PGRMC2: variants seen among roughly 807,000 people sequenced by gnomAD.
PGRMC2 encodes membrane-associated progesterone receptor component 2.
In PGRMC2, 9 loss-of-function variants were observed where a neutral mutation model predicts 19.3. That is an observed-to-expected ratio of 0.47 (90% CI 0.28 to 0.81). The LOEUF is 0.81. Among genes scored for constraint, PGRMC2 ranks in the 40% least tolerant of loss-of-function variants. The pLI, the probability that PGRMC2 is intolerant of heterozygous loss-of-function variation, is 0.11. For synonymous variants in PGRMC2, 157 were observed against 124.6 expected, an observed-to-expected ratio of 1.26 and a Z score of -1.73; for missense variants, 289 against 297.3, an observed-to-expected ratio of 0.97 and a Z score of 0.21.
At chr4:128,284,881 T>C (rs1224078048) in intron 1 of PGRMC2, among the ~76,000 whole-genome samples, 2 of 152,226 alleles carry the variant, frequency 1.3e-5, no homozygotes, top group Non-Finnish European at 2.9e-5. Flanking sequence ...TAATATGCAA[T>C]ATCAACATAT....
At chr4:128,285,407 G>C (rs1437703532) in intron 1 of PGRMC2, among the ~76,000 whole-genome samples, 1 of 152,194 alleles carries the variant, frequency 6.6e-6, no homozygotes, top group Non-Finnish European at 1.5e-5. Flanking sequence ...GGGATTACAG[G>C]CATGAACCAC....
chr4:128,269,664 C>T lies in PGRMC2; in HGVS notation c.*1652G>A, dbSNP rs1316129454. 6.6e-6 allele frequency: 1 copy of T among 152,144 alleles called. No individual in the cohort carries two copies. Among genetic ancestry groups the T allele is most frequent in the Non-Finnish European group, 1.5e-5 (1 of 68,034 alleles). 9.4% of individuals were successfully genotyped at this position (152,144 alleles called of 1,614,324 possible). ...ACAAAGCAGAAGTCTTAACTGGTGA[C>T]CTGTTAAATAACATTGCCTTTTTAA... On this transcript the variant is annotated 3_prime_UTR_variant, in exon 3 of 3. Transcript: ENST00000296425.
chr4:128,285,848 A>G (rs1010680432), intron 1 of PGRMC2, among the ~76,000 whole-genome samples: 3 of 152,226 alleles, frequency 2.0e-5, no homozygotes, highest in Admixed American at 1.3e-4. Context: ...TTCAGTTGAT[A>G]TAAGTAGGCA....
chr4:128,280,352 GGAAAAAAAAAA>G (rs1384165300), intron 1 of PGRMC2, among the ~76,000 whole-genome samples: 1 of 60,540 alleles, frequency 1.7e-5, no homozygotes, highest in Non-Finnish European at 3.0e-5. Flanking sequence ...AAATTTTCTG[GGAAAAAAAAAA>G]AAAAAAAAAA....
chr4:128,287,200 G>A (rs546279643), intron 1 of PGRMC2, 173 bp downstream of exon 1: 11 of 606,140 alleles, frequency 1.8e-5, no homozygotes, highest in East Asian at 3.3e-5. Context: ...GCTGCGGGGG[G>A]ACGGTGTGTG....
rs1202925587 is a variant in PGRMC2 at position 128,269,644 on chromosome 4, G to A, written c.*1672C>T. 6.6e-6 allele frequency: 1 copy of A among 152,120 alleles called. No individual in the cohort carries two copies. Among genetic ancestry groups the A allele is most frequent in the Non-Finnish European group, 1.5e-5 (1 of 68,022 alleles). 9.4% of individuals were successfully genotyped at this position (152,120 alleles called of 1,614,324 possible). ...GATGGCTTCTGCATGTATCTACAAA[G>A]CAGAAGTCTTAACTGGTGACCTGTT... On this transcript the variant is annotated 3_prime_UTR_variant, in exon 3 of 3. Transcript: ENST00000296425.
chr4:128,286,181 A>T (rs1251490641), intron 1 of PGRMC2, among the ~76,000 whole-genome samples: 1 of 151,930 alleles, frequency 6.6e-6, no homozygotes, highest in African/African-American at 2.4e-5. Context: ...TATGACTTTA[A>T]GGCTTGGAGG....
intron 1 of PGRMC2, among the ~76,000 whole-genome samples, chr4:128,276,382 C>T (rs1378430782): frequency 1.3e-5 from 2 of 152,110 alleles, no homozygotes; most frequent in African/African-American, 2.4e-5. Context: ...GTGGTGTGAT[C>T]TCAACTCACT....
At chr4:128,285,857 C>T (rs1408605216) in intron 1 of PGRMC2, among the ~76,000 whole-genome samples, 1 of 152,292 alleles carries the variant, frequency 6.6e-6, no homozygotes, top group East Asian at 1.9e-4. Context: ...TATAAGTAGG[C>T]AGACACCTTG....
intron 1 of PGRMC2, chr4:128,273,038 T>C (rs1457636947): frequency 6.6e-6 from 1 of 152,224 alleles, no homozygotes; most frequent in Non-Finnish European, 1.5e-5. Context: ...TGTATCATCT[T>C]TGTGGTCCCA....
Position 128,270,431 on chromosome 4 carries a change from A to G in PGRMC2, c.*885T>C, listed in dbSNP as rs1008673796. The G allele has an allele frequency of 6.6e-6, 1 of 152,638 alleles. No individual in the cohort carries two copies. 9.5% of individuals were successfully genotyped at this position (152,638 alleles called of 1,614,324 possible). A position where few individuals can be genotyped will look rare whatever the true frequency, so the allele number is the denominator to read the frequency against. On this transcript the variant is annotated 3_prime_UTR_variant, in exon 3 of 3. Coordinates refer to ENST00000296425, the MANE Select transcript of PGRMC2 (RefSeq NM_006320.6). ...TGTGTATATTACATATATGGCAGTT[A>G]ACACTGTAATATTCCTTTTACATTC...
rs1183297549 is a variant in PGRMC2, at chr4:128,270,476, C to T, written c.*840G>A. ...ACATTCTATATACACAGAATGATATCAAGGTTTTATGGTCAACAGAATATT... is the reference window on the plus strand; with the variant it reads ...ACATTCTATATACACAGAATGATATTAAGGTTTTATGGTCAACAGAATATT... On this transcript the variant is annotated 3_prime_UTR_variant, in exon 3 of 3. Coordinates refer to ENST00000296425, the MANE Select transcript of PGRMC2 (RefSeq NM_006320.6). 1.3e-5 allele frequency: 2 copies of T among 152,562 alleles called. No homozygotes were observed. The highest frequency in any genetic ancestry group is 4.8e-5 in the African/African-American group (2 of 41,432). The allele number at this position is 152,562 out of a possible 1,614,324, so 9.5% of individuals were successfully genotyped here. A position where few individuals can be genotyped will look rare whatever the true frequency, so the allele number is the denominator to read the frequency against.
At chr4:128,272,230 T>C in intron 2 of PGRMC2, 132 bp downstream of exon 2, 1 of 553,528 alleles carries the variant, frequency 1.8e-6, no homozygotes, top group Non-Finnish European at 2.8e-6. Flanking sequence ...TTAGCTATCT[T>C]TAAAAATATT....
intron 1 of PGRMC2, among the ~76,000 whole-genome samples, chr4:128,277,320 C>T (rs1760828782): frequency 1.3e-5 from 2 of 152,162 alleles, no homozygotes; most frequent in Non-Finnish European, 2.9e-5. Flanking sequence ...CCTAAAACTG[C>T]TTACTTTAAT....
Position 128,270,949 on chromosome 4 carries a change from C to G in PGRMC2, c.*367G>C, listed in dbSNP as rs1760718946. 2 of 164,630 alleles carry G rather than the reference C, an allele frequency of 1.2e-5. No homozygotes were observed. The highest frequency in any genetic ancestry group is 6.3e-5 in the Admixed American group (1 of 15,906). 10.2% of individuals were successfully genotyped at this position (164,630 alleles called of 1,614,324 possible). ...TGAGGAGATCTGTACACTTGAGTAG[C>G]AAATACATATCTGGTTGTCTTCAAT... On this transcript the variant is annotated 3_prime_UTR_variant, in exon 3 of 3. Transcript: ENST00000296425.
At chr4:128,280,259 G>A (rs1272989965) in intron 1 of PGRMC2, among the ~76,000 whole-genome samples, 1 of 134,374 alleles carries the variant, frequency 7.4e-6, no homozygotes. Context: ...GAGACATTAA[G>A]AATAGAATGA....
At chr4:128,283,350 A>C (rs1302503912) in intron 1 of PGRMC2, among the ~76,000 whole-genome samples, 3 of 152,200 alleles carry the variant, frequency 2.0e-5, no homozygotes, top group Non-Finnish European at 4.4e-5. Flanking sequence ...TACTAAGCTC[A>C]ATAAATGGAG....
chr4:128,269,537 T>C lies in PGRMC2; in HGVS notation c.*1779A>G, dbSNP rs866868907. 2 of 151,442 alleles carry C rather than the reference T, an allele frequency of 1.3e-5. No individual in the cohort carries two copies. The highest frequency in any genetic ancestry group is 4.9e-5 in the African/African-American group (2 of 40,702). The allele number at this position is 151,442 out of a possible 1,614,324, so 9.4% of individuals were successfully genotyped here. A position where few individuals can be genotyped will look rare whatever the true frequency, so the allele number is the denominator to read the frequency against. ...AAAGATTTGGCTGAAGATAACTTTC[T>C]ACAAAACACTCCAAGACTGAATAGA... On this transcript the variant is annotated 3_prime_UTR_variant, in exon 3 of 3. Transcript: ENST00000296425.
chr4:128,286,541 T>C, intron 1 of PGRMC2: 1 of 397,240 alleles, frequency 2.5e-6, no homozygotes, highest in Admixed American at 4.4e-5. Flanking sequence ...TCCTTAGTTC[T>C]GCTAAGTGAA....
Sources: allele counts gnomAD v4.1 joint callset (sites outside exome capture counted in the v4.1 genomes callset), GRCh38; gene constraint gnomAD v4.1.1; transcripts MANE v1.5; gene names NCBI Gene and HGNC (gene_info 2026-07-23, HGNC 2026-07-21).